SERPINE3: variants seen among roughly 807,000 people sequenced by gnomAD.
The protein encoded by SERPINE3 is serpin E3.
In SERPINE3, 43 loss-of-function variants were observed where a neutral mutation model predicts 41.7. That is an observed-to-expected ratio of 1.03 (90% CI 0.81 to 1.33). SERPINE3 has a LOEUF of 1.33. Ranked by LOEUF, SERPINE3 falls within the 40% of genes most tolerant of loss-of-function variation. The pLI is 0.00. For missense variants in SERPINE3, 440 were observed against 491.7 expected, an observed-to-expected ratio of 0.89 and a Z score of 0.99; for synonymous variants, 200 against 192.2, an observed-to-expected ratio of 1.04 and a Z score of -0.34.
Position 51,358,926 on chromosome 13 carries a change from G to C in SERPINE3, c.1001-2352G>C, listed in dbSNP as rs116565817. On this transcript the variant is annotated intron_variant, in intron 7 of 9. Transcript: ENST00000681248. ...TAAATCTGGGACAGAGAATGGTGTG[G>C]GTGGTTCTATGGTTAAACGCTATGT... 1.1e-3 allele frequency among the ~76,000 whole-genome samples: 168 copies of C among 152,076 alleles called. 1 individual carries two copies. The highest frequency in any genetic ancestry group is 4.0e-3 in the African/African-American group (165 of 41,484).
chr13:51,349,845 A>G (rs1955387523), intron 6 of SERPINE3, among the ~76,000 whole-genome samples: 1 of 152,352 alleles, frequency 6.6e-6, no homozygotes, highest in Non-Finnish European at 1.5e-5. Flanking sequence ...CCTTAAGACT[A>G]CCAAGACTGC....
At position 51,341,267 on chromosome 13, in the gene SERPINE3, T is replaced by A; in HGVS notation, c.176T>A (p.Leu59His). Residue 59 changes from leucine (L) to histidine (H), a missense_variant, in exon 3 of 10, where the codon CTC becomes CAC. Leu to His is a moderately conservative substitution (Grantham distance 99). Transcript: ENST00000681248. ...NFVISPAGVS[L>H]PLEILQFGAE... ...GTCATCTCTCCTGCTGGTGTGTCCC[T>A]CCCCCTGGAGATCCTGCAGTTTGGA... The A allele has an allele frequency of 6.2e-7, 1 of 1,613,208 alleles. No homozygotes were observed. Among genetic ancestry groups the A allele is most frequent in the Non-Finnish European group, 8.5e-7 (1 of 1,179,318 alleles).
At chr13:51,357,176 C>G (rs1475270511) in intron 7 of SERPINE3, among the ~76,000 whole-genome samples, 1 of 152,126 alleles carries the variant, frequency 6.6e-6, no homozygotes, top group Non-Finnish European at 1.5e-5. Flanking sequence ...GATTGCCAAC[C>G]AAATTATTGC....
At position 51,364,705 on chromosome 13, in the gene SERPINE3, T is replaced by TC. The variant is rs1362226546; in HGVS notation, c.*423_*424insC. On this transcript the variant is annotated 3_prime_UTR_variant, in exon 10 of 10. Coordinates refer to ENST00000681248, the MANE Select transcript of SERPINE3 (RefSeq NM_001386375.1). ...TAAAGGTGTTTCCTTTCCATTTAGC[T>TC]TATAAATAAAACAGAGTTTAAGTGT... 1 of 154,850 alleles carries TC rather than the reference T, an allele frequency of 6.5e-6. No individual in the cohort carries two copies. Among genetic ancestry groups the TC allele is most frequent in the Admixed American group, 6.5e-5 (1 of 15,294 alleles). 9.6% of individuals were successfully genotyped at this position (154,850 alleles called of 1,614,324 possible). A position where few individuals can be genotyped will look rare whatever the true frequency, so the allele number is the denominator to read the frequency against.
chr13:51,357,097 G>A (rs1208236448), intron 7 of SERPINE3, among the ~76,000 whole-genome samples: 1 of 152,166 alleles, frequency 6.6e-6, no homozygotes, highest in East Asian at 1.9e-4. Context: ...GCAAAACTGA[G>A]TAGTTGAGAC....
Position 51,344,430 on chromosome 13 carries a change from T to C in SERPINE3, c.435T>C (p.Ser145=). The change falls in exon 4 of 10, where the codon AGT becomes AGC. Residue 145 remains serine, a synonymous_variant. Coordinates refer to ENST00000681248, the MANE Select transcript of SERPINE3 (RefSeq NM_001386375.1). The part of the protein sequence containing the change: ...ANSSLEPADL[S]EPNSTAIQTS... ...GCAGCCTGGAACCAGCCGACCTCAG[T>C]GAGCCCAATAGCACCGCCATCCAGA... 1 of 1,608,214 alleles carries C rather than the reference T, an allele frequency of 6.2e-7. No individual in the cohort carries two copies. Among genetic ancestry groups the C allele is most frequent in the East Asian group, 2.2e-5 (1 of 44,622 alleles).
intron 5 of SERPINE3, 138 bp from the exon 6 acceptor site, chr13:51,348,075 A>C (rs1955367117): frequency 7.7e-6 from 5 of 650,656 alleles, no homozygotes; most frequent in Non-Finnish European, 1.3e-5. Flanking sequence ...CTTTGGCCTG[A>C]AACCGCCTCC....
chr13:51,348,520 A>G lies in SERPINE3; in HGVS notation c.899+109A>G, dbSNP rs745943669. On this transcript the variant is annotated intron_variant, in intron 6 of 9. Coordinates refer to ENST00000681248, the MANE Select transcript of SERPINE3 (RefSeq NM_001386375.1). ...GGGTCTGTGCTTAGCCACTGGGATG[A>G]CTTGTTTAATATGTATCCCCAGAAG... The G allele has an allele frequency of 4.8e-6, 4 of 839,478 alleles. No homozygotes were observed. The South Asian group carries it at 6.8e-5, about 14-fold the overall frequency. The allele number at this position is 839,478 out of a possible 1,614,324, so 52.0% of individuals were successfully genotyped here. A position where few individuals can be genotyped will look rare whatever the true frequency, so the allele number is the denominator to read the frequency against.
chr13:51,349,996 G>C (rs990178599), intron 6 of SERPINE3, among the ~76,000 whole-genome samples: 4 of 152,162 alleles, frequency 2.6e-5, no homozygotes, highest in Non-Finnish European at 4.4e-5. Context: ...CTTAGGTCTA[G>C]ATTTAGGTAT....
intron 9 of SERPINE3, chr13:51,362,402 T>C (rs1284211848): frequency 6.2e-6 from 1 of 160,898 alleles, no homozygotes; most frequent in Non-Finnish European, 1.3e-5. Context: ...TCCTACTACA[T>C]AACCTTATGG....
At chr13:51,360,436 A>G (rs1955554902) in intron 7 of SERPINE3, among the ~76,000 whole-genome samples, 2 of 151,998 alleles carry the variant, frequency 1.3e-5, no homozygotes, top group African/African-American at 4.8e-5. Context: ...GATTGGACTG[A>G]ATGATTTCCT....
In SERPINE3 at chr13:51,347,026, T is replaced by TG. The variant is rs1955354230; in HGVS notation, c.497dup (p.Ser168GlnfsTer2). On this transcript the variant is annotated frameshift_variant and splice_region_variant, in exon 5 of 10. Coordinates refer to ENST00000681248, the MANE Select transcript of SERPINE3 (RefSeq NM_001386375.1). LOFTEE classifies it high-confidence loss of function. Reference sequence around the variant, plus strand: ...GCCACCTTGCTTTCCTGCTTGCAGGTGGGGGCCCCAGTGAGGGCCCTGGTG... The same window carrying TG: ...GCCACCTTGCTTTCCTGCTTGCAGGTGGGGGGCCCCAGTGAGGGCCCTGGTG... The TG allele has an allele frequency of 6.4e-7, 1 of 1,574,392 alleles. No homozygotes were observed. The highest frequency in any genetic ancestry group is 1.3e-5 in the African/African-American group (1 of 74,074).
At chr13:51,345,322 C>A (rs1955335331) in intron 4 of SERPINE3, among the ~76,000 whole-genome samples, 1 of 152,122 alleles carries the variant, frequency 6.6e-6, no homozygotes, top group Non-Finnish European at 1.5e-5. Flanking sequence ...ACATTCAAGA[C>A]CCAGTGTTGG....
At chr13:51,342,373 C>G (rs533223056) in intron 3 of SERPINE3, among the ~76,000 whole-genome samples, 3 of 152,048 alleles carry the variant, frequency 2.0e-5, no homozygotes, top group Non-Finnish European at 4.4e-5. Context: ...GGCCTCTGCT[C>G]GCTCATATAT....
At chr13:51,355,265 T>C in intron 7 of SERPINE3, 122 bp downstream of exon 7, 1 of 603,228 alleles carries the variant, frequency 1.7e-6, no homozygotes, top group East Asian at 2.8e-5. Context: ...AGGTGCTCTG[T>C]TTTATATAAG....
Position 51,348,197 on chromosome 13 carries a change from T to C in SERPINE3, c.701-16T>C, listed in dbSNP as rs1406504845. 6.4e-7 allele frequency: 1 copy of C among 1,563,012 alleles called. No homozygotes were observed. Among genetic ancestry groups the C allele is most frequent in the Non-Finnish European group, 8.7e-7 (1 of 1,151,274 alleles). ...CTCCTGGGACAGAGCTGACCTCTGATCCACTGTACCCTCAGGTCAGTTCCA... is the reference window on the plus strand; with the variant it reads ...CTCCTGGGACAGAGCTGACCTCTGACCCACTGTACCCTCAGGTCAGTTCCA... On this transcript the variant is annotated splice_polypyrimidine_tract_variant and intron_variant, in intron 5 of 9. Transcript: ENST00000681248.
intron 4 of SERPINE3, among the ~76,000 whole-genome samples, chr13:51,344,993 C>G (rs888820680): frequency 2.0e-5 from 3 of 152,190 alleles, no homozygotes; most frequent in Non-Finnish European, 2.9e-5. Flanking sequence ...GCCTCGCTGC[C>G]CAGCAATGAG....
At chr13:51,350,500 A>ATATATATATCTT (rs1955393954) in intron 6 of SERPINE3, among the ~76,000 whole-genome samples, 1 of 152,180 alleles carries the variant, frequency 6.6e-6, no homozygotes, top group Non-Finnish European at 1.5e-5. Context: ...ATGTTTTGAT[A>ATATATATATCTT]TTAGATATAA....
At chr13:51,348,726 T>C (rs989179922) in intron 6 of SERPINE3, 12 of 302,390 alleles carry the variant, frequency 4.0e-5, no homozygotes, top group Non-Finnish European at 1.9e-5. Context: ...GCTGGACCAG[T>C]TTTTGGAAAG....
Sources: gnomAD v4.1 joint callset for allele counts (sites outside exome capture counted in the v4.1 genomes callset) on GRCh38, gnomAD v4.1.1 for gene constraint, MANE v1.5 for transcripts, NCBI Gene and HGNC (gene_info 2026-07-23, HGNC 2026-07-21) for gene names.